The following INSYN2B variants were observed in gnomAD, a reference collection of about 807,000 sequenced individuals.
INSYN2B encodes the protein inhibitory synaptic factor family member 2B, also known as protein INSYN2B.
In INSYN2B, 16 loss-of-function variants were observed where a neutral mutation model predicts 41.2. The observed-to-expected ratio is 0.39, with a 90% CI of 0.26 to 0.59. The LOEUF (loss-of-function observed/expected upper bound fraction) is 0.59. INSYN2B is among the 20% of genes least tolerant of loss of function. The probability of loss-of-function intolerance (pLI) is 0.57; values close to 1 mark genes in which losing one functional copy is unlikely to be tolerated. For missense variants in INSYN2B, 608 were observed against 646.4 expected, an observed-to-expected ratio of 0.94 and a Z score of 0.64; for synonymous variants, 245 against 244.4, an observed-to-expected ratio of 1.00 and a Z score of -0.02.
chr5:169,861,756 G>A lies in INSYN2B; in HGVS notation c.*2517C>T, dbSNP rs1771212057. Among the ~76,000 whole-genome samples the A allele has an allele frequency of 6.6e-6, 1 of 152,146 alleles. No homozygotes were observed. Among genetic ancestry groups the A allele is most frequent in the Non-Finnish European group, 1.5e-5 (1 of 68,034 alleles). ...TTTGTTCATCAGGAAAATGTTTATG[G>A]AATCCTATTTCCTCATAATGATTTT... On this transcript the variant is annotated 3_prime_UTR_variant, in exon 4 of 4. Coordinates refer to ENST00000377365, the MANE Select transcript of INSYN2B (RefSeq NM_001129891.3).
intron 3 of INSYN2B, among the ~76,000 whole-genome samples, chr5:169,877,384 A>T (rs1417923976): frequency 6.6e-6 from 1 of 152,214 alleles, no homozygotes; most frequent in African/African-American, 2.4e-5. Context: ...GTGACAAATG[A>T]TGAGAGCCTT....
intron 1 of INSYN2B, among the ~76,000 whole-genome samples, chr5:169,972,462 A>G (rs1777538186): frequency 7.2e-6 from 1 of 139,000 alleles, no homozygotes; most frequent in South Asian, 2.4e-4. Flanking sequence ...CAACCTCTCC[A>G]TCACTTTTGA....
At chr5:169,890,523 A>G (rs1406047905) in intron 1 of INSYN2B, among the ~76,000 whole-genome samples, 4 of 152,204 alleles carry the variant, frequency 2.6e-5, no homozygotes, top group East Asian at 1.9e-4. Context: ...TCCAAATTAT[A>G]TATTCCAAAA....
At chr5:169,928,363 C>T (rs534253449) in intron 1 of INSYN2B, among the ~76,000 whole-genome samples, 15 of 152,356 alleles carry the variant, frequency 9.8e-5, no homozygotes, top group African/African-American at 3.4e-4. Flanking sequence ...CTATCTCCAC[C>T]TGAATGAACC....
chr5:169,944,953 T>C (rs1361083608), intron 1 of INSYN2B, among the ~76,000 whole-genome samples: 1 of 152,192 alleles, frequency 6.6e-6, no homozygotes, highest in Non-Finnish European at 1.5e-5. Flanking sequence ...CCTTCAGAAA[T>C]CCTCTCTGGG....
chr5:169,928,074 G>A (rs1775562102), intron 1 of INSYN2B, among the ~76,000 whole-genome samples: 2 of 152,302 alleles, frequency 1.3e-5, no homozygotes, highest in South Asian at 4.1e-4. Context: ...CAGGGAGAAA[G>A]TCCACAGAAG....
chr5:169,935,539 T>C (rs1775948844), intron 1 of INSYN2B, among the ~76,000 whole-genome samples: 1 of 152,076 alleles, frequency 6.6e-6, no homozygotes, highest in Admixed American at 6.5e-5. Flanking sequence ...AGGTCAAGGT[T>C]TGGGAGACTA....
intron 3 of INSYN2B, among the ~76,000 whole-genome samples, chr5:169,872,105 C>T (rs192559960): frequency 2.6e-5 from 4 of 152,256 alleles, no homozygotes; most frequent in Admixed American, 2.6e-4. Context: ...ATGGCGTCTC[C>T]CTGAAGACAA....
intron 1 of INSYN2B, among the ~76,000 whole-genome samples, chr5:169,889,688 C>G (rs750770295): frequency 1.9e-4 from 29 of 152,228 alleles, no homozygotes; most frequent in Admixed American, 1.1e-3. Context: ...CACACAGTTT[C>G]TGTTGCAACC....
intron 3 of INSYN2B, among the ~76,000 whole-genome samples, chr5:169,878,791 C>T (rs1408430925): frequency 6.6e-6 from 1 of 152,166 alleles, no homozygotes; most frequent in Admixed American, 6.5e-5. Flanking sequence ...GCCAAAACAG[C>T]CTGGAATCAG....
At chr5:169,965,192 A>G (rs1777251631) in intron 1 of INSYN2B, among the ~76,000 whole-genome samples, 2 of 152,138 alleles carry the variant, frequency 1.3e-5, no homozygotes, top group Non-Finnish European at 2.9e-5. Flanking sequence ...TTGAATACCC[A>G]CTGTGTGCTA....
intron 3 of INSYN2B, among the ~76,000 whole-genome samples, chr5:169,873,034 G>A (rs1426695142): frequency 6.6e-6 from 1 of 152,162 alleles, no homozygotes; most frequent in Non-Finnish European, 1.5e-5. Flanking sequence ...ATCACCTGTG[G>A]CCTCTGTGCC....
chr5:169,915,557 A>AACACACACACACAC, intron 1 of INSYN2B, among the ~76,000 whole-genome samples: 1 of 143,488 alleles, frequency 7.0e-6, no homozygotes, highest in Admixed American at 7.0e-5. Context: ...ATTGACAGGG[A>AACACACACACACAC]ACACACACAC....
intron 1 of INSYN2B, among the ~76,000 whole-genome samples, chr5:169,959,784 C>G (rs1777009552): frequency 6.6e-6 from 1 of 152,034 alleles, no homozygotes; most frequent in South Asian, 2.1e-4. Flanking sequence ...CTAGAGAGAT[C>G]TAGAAGTAGT....
chr5:169,907,913 G>A lies in INSYN2B; in HGVS notation c.-918-23097C>T, dbSNP rs139851980. On this transcript the variant is annotated intron_variant, in intron 1 of 3. Coordinates refer to ENST00000377365, the MANE Select transcript of INSYN2B (RefSeq NM_001129891.3). ...ACACAGGAACCGTTGGCCAGTCCGT[G>A]TCGGTAAACATCTCTTGTGCAGGCA... 1.2e-3 allele frequency among the ~76,000 whole-genome samples: 190 copies of A among 152,328 alleles called. 1 individual carries two copies. Among genetic ancestry groups the A allele is most frequent in the South Asian group, 4.6e-3 (22 of 4,818 alleles).
intron 1 of INSYN2B, among the ~76,000 whole-genome samples, chr5:169,975,244 A>G (rs1326690044): frequency 6.6e-6 from 1 of 152,202 alleles, no homozygotes; most frequent in Admixed American, 6.5e-5. Context: ...TCCTGACCCT[A>G]GGAACAACTC....
In INSYN2B at chr5:169,897,015, C is replaced by T. The variant is rs1366347493; in HGVS notation, c.-918-12199G>A. ...TCATTACTTAGTGCTTAGTGCTAGA[C>T]ATTTCATCATGAGTAACAACCTTCT... On this transcript the variant is annotated intron_variant, in intron 1 of 3. Coordinates refer to ENST00000377365, the MANE Select transcript of INSYN2B (RefSeq NM_001129891.3). 3.3e-5 allele frequency among the ~76,000 whole-genome samples: 5 copies of T among 152,292 alleles called. No individual in the cohort carries two copies. The East Asian group carries it at 5.8e-4, about 18-fold the overall frequency.
At chr5:169,877,688 T>C (rs1772409073) in intron 3 of INSYN2B, among the ~76,000 whole-genome samples, 1 of 152,152 alleles carries the variant, frequency 6.6e-6, no homozygotes, top group Non-Finnish European at 1.5e-5. Flanking sequence ...GATATAGATA[T>C]CAGATAAAAG....
intron 1 of INSYN2B, among the ~76,000 whole-genome samples, chr5:169,938,910 C>CTT (rs60068204): frequency 0.39 from 54,738 of 140,790 alleles, 9,863 homozygotes; most frequent in South Asian, 0.53. Context: ...TTTTTCTTTT[C>CTT]TTTTTTTTTT....
Sources: gnomAD v4.1 joint callset for allele counts (sites outside exome capture counted in the v4.1 genomes callset) on GRCh38, gnomAD v4.1.1 for gene constraint, MANE v1.5 for transcripts, NCBI Gene and HGNC (gene_info 2026-07-23, HGNC 2026-07-21) for gene names.